The following FBXW11 variants were observed in gnomAD, a reference collection of about 807,000 sequenced individuals.
The protein encoded by FBXW11 is F-box and WD repeat domain containing 11.
Under a neutral mutation model 77.6 loss-of-function variants are expected in FBXW11, and 19 were observed. That is an observed-to-expected ratio of 0.24 (90% confidence interval 0.17 to 0.36). FBXW11 has a LOEUF of 0.36. FBXW11 is among the 10% of genes least tolerant of loss of function. The pLI is 1.00. For missense variants in FBXW11, 334 were observed against 704.2 expected, an observed-to-expected ratio of 0.47 and a Z score of 5.95; for synonymous variants, 235 against 249.4, an observed-to-expected ratio of 0.94 and a Z score of 0.54.
At chr5:171,984,676 GA>G (rs1369623461) in intron 1 of FBXW11, among the ~76,000 whole-genome samples, 3 of 152,084 alleles carry the variant, frequency 2.0e-5, no homozygotes, top group African/African-American at 7.2e-5. Context: ...GCGATTGTAG[GA>G]AAATTAAATA....
chr5:171,893,421 C>CAAAAAAAAAAAACAAAAAAAAA (rs757678376), intron 6 of FBXW11, among the ~76,000 whole-genome samples: 3 of 39,836 alleles, frequency 7.5e-5, no homozygotes, highest in Admixed American at 5.4e-4. Context: ...ACTTCAAAAC[C>CAAAAAAAAAAAACAAAAAAAAA]AAAAAAAAAA....
At chr5:171,999,246 T>A (rs1326986182) in intron 1 of FBXW11, among the ~76,000 whole-genome samples, 3 of 152,138 alleles carry the variant, frequency 2.0e-5, no homozygotes, top group Non-Finnish European at 4.4e-5. Flanking sequence ...ATACTATGCT[T>A]TTCAAGGTAC....
intron 1 of FBXW11, among the ~76,000 whole-genome samples, chr5:172,000,413 T>C (rs1244509036): frequency 6.6e-6 from 1 of 152,334 alleles, no homozygotes. Flanking sequence ...ATAGATCTAA[T>C]TACGCCAAAT....
chr5:171,944,591 A>C (rs1218853178), intron 2 of FBXW11, among the ~76,000 whole-genome samples: 1 of 150,926 alleles, frequency 6.6e-6, no homozygotes, highest in African/African-American at 2.4e-5. Context: ...AAAAAAAAAA[A>C]AAACAACTAA....
intron 10 of FBXW11, among the ~76,000 whole-genome samples, chr5:171,872,065 A>C (rs1757784471): frequency 6.6e-6 from 1 of 152,246 alleles, no homozygotes; most frequent in South Asian, 2.1e-4. Flanking sequence ...AAACTTAAAT[A>C]GCTTTTTTGT....
chr5:171,946,909 G>A (rs1763044716), intron 2 of FBXW11, among the ~76,000 whole-genome samples: 1 of 146,466 alleles, frequency 6.8e-6, no homozygotes, highest in Non-Finnish European at 1.5e-5. Flanking sequence ...CCACCTCCCG[G>A]GTTCAAGCAA....
chr5:171,908,690 T>G (rs4868131), intron 4 of FBXW11: 1 of 152,154 alleles, frequency 6.6e-6, no homozygotes, highest in South Asian at 2.1e-4. Flanking sequence ...AAAACTCCCA[T>G]TGTAGAAGGT....
chr5:171,995,449 G>C (rs112108446), intron 1 of FBXW11, among the ~76,000 whole-genome samples: 53 of 152,158 alleles, frequency 3.5e-4, no homozygotes, highest in Non-Finnish European at 6.9e-4. Context: ...GCTGGGCGCG[G>C]TGGCATTTAA....
intron 7 of FBXW11, among the ~76,000 whole-genome samples, chr5:171,880,266 T>C (rs1758411649): frequency 6.6e-6 from 1 of 152,240 alleles, no homozygotes; most frequent in Non-Finnish European, 1.5e-5. Context: ...TGAAGGTATA[T>C]ATTTCTGGGC....
intron 2 of FBXW11, among the ~76,000 whole-genome samples, chr5:171,953,420 C>A (rs1461412860): frequency 6.6e-6 from 1 of 152,134 alleles, no homozygotes; most frequent in Non-Finnish European, 1.5e-5. Flanking sequence ...AATGACAAAT[C>A]CCTAATGCTT....
chr5:172,002,983 G>C (rs1389805929), intron 1 of FBXW11, among the ~76,000 whole-genome samples: 1 of 151,982 alleles, frequency 6.6e-6, no homozygotes, highest in African/African-American at 2.4e-5. Flanking sequence ...TAGAGCCACC[G>C]CACCTGCCCA....
At chr5:171,908,245 G>A (rs945396075) in intron 4 of FBXW11, among the ~76,000 whole-genome samples, 2 of 151,992 alleles carry the variant, frequency 1.3e-5, no homozygotes, top group South Asian at 2.1e-4. Flanking sequence ...TCTCTCTCAC[G>A]CAATCAAAAG....
At chr5:171,943,013 A>G (rs1762827285) in intron 2 of FBXW11, among the ~76,000 whole-genome samples, 1 of 151,866 alleles carries the variant, frequency 6.6e-6, no homozygotes, top group Non-Finnish European at 1.5e-5. Context: ...TTAACCCTCA[A>G]TTTTTCATTT....
chr5:171,889,802 C>T (rs905687825), intron 7 of FBXW11, among the ~76,000 whole-genome samples: 8 of 151,374 alleles, frequency 5.3e-5, no homozygotes, highest in Non-Finnish European at 8.9e-5. Context: ...GCAGGATAAT[C>T]GCTCAAACCC....
intron 2 of FBXW11, among the ~76,000 whole-genome samples, chr5:171,925,116 C>G (rs1035098091): frequency 6.6e-6 from 1 of 152,174 alleles, no homozygotes; most frequent in African/African-American, 2.4e-5. Flanking sequence ...GCACTGCCAG[C>G]TGCAAAGTCT....
intron 2 of FBXW11, among the ~76,000 whole-genome samples, chr5:171,930,066 A>G (rs563788239): frequency 9.1e-4 from 139 of 152,294 alleles, no homozygotes; most frequent in Non-Finnish European, 1.3e-3. Flanking sequence ...GTTCAGGAAA[A>G]CTGTGCAGAA....
intron 2 of FBXW11, among the ~76,000 whole-genome samples, chr5:171,919,720 G>A (rs980295801): frequency 2.6e-5 from 4 of 152,084 alleles, no homozygotes; most frequent in African/African-American, 9.7e-5. Context: ...ACTTGCCTTG[G>A]GTTACACATC....
rs781546756 is a variant in FBXW11, at chr5:171,876,273, A to T, written c.1221+12T>A. On this transcript the variant is annotated intron_variant, in intron 9 of 13. Transcript: ENST00000517395. The surrounding 1 kb of genome is among the most constrained non-coding windows in gnomAD (Gnocchi z 4.2). Reference sequence around the variant, plus strand: ...CAGGAACAGGTAGGGTTATGACTGCAGACATACTTACTTTGATGGTCCTGT... The same window carrying T: ...CAGGAACAGGTAGGGTTATGACTGCTGACATACTTACTTTGATGGTCCTGT... The T allele has an allele frequency of 1.5e-5, 24 of 1,613,882 alleles. No homozygotes were observed. The highest frequency in any genetic ancestry group is 3.3e-5 in the Admixed American group (2 of 60,004).
intron 3 of FBXW11, among the ~76,000 whole-genome samples, chr5:171,913,836 C>CACAT (rs1554099783): frequency 2.3e-4 from 32 of 138,400 alleles, no homozygotes; most frequent in East Asian, 1.2e-3. Context: ...CACACACACA[C>CACAT]ACACACACAC....
Sources: gnomAD v4.1 joint callset for allele counts (sites outside exome capture counted in the v4.1 genomes callset) on GRCh38, gnomAD v4.1.1 for gene constraint, Gnocchi (gnomAD v3.1) non-coding constraint, MANE v1.5 for transcripts, NCBI Gene and HGNC (gene_info 2026-07-23, HGNC 2026-07-21) for gene names.